USP11: variants seen among roughly 807,000 people sequenced by gnomAD.
USP11 encodes ubiquitin specific peptidase 11.
A neutral mutation model predicts 72.8 loss-of-function variants in USP11; 5 were observed. That is an observed-to-expected ratio of 0.07 (90% CI 0.04 to 0.14). The LOEUF (loss-of-function observed/expected upper bound fraction) is 0.14. USP11 is among the 10% of genes least tolerant of loss of function. The pLI, the probability that USP11 is intolerant of heterozygous loss-of-function variation, is 1.00. For missense variants in USP11, 480 were observed against 794.7 expected, an observed-to-expected ratio of 0.60 and a Z score of 4.76; for synonymous variants, 368 against 326.5, an observed-to-expected ratio of 1.13 and a Z score of -1.37.
chrX:47,241,165 C>T (rs1295945126), intron 7 of USP11, 112 bp from the exon 8 acceptor site: 3 of 822,649 alleles, frequency 3.6e-6, no homozygotes, highest in Admixed American at 7.2e-5. Context: ...CTCCTCCCTT[C>T]CCCTTCTCTC....
In USP11 at chrX:47,241,836, C is replaced by T. The variant is rs2055404888; in HGVS notation, c.1179+137C>T. On this transcript the variant is annotated intron_variant, in intron 9 of 20. Transcript: ENST00000377107. ...CTACCTGACCTCAACTCCAGCCTTA[C>T]TCTTAACCTTAGTTGCAATACCATA... 3.5e-6 allele frequency: 3 copies of T among 857,349 alleles called. No homozygotes were observed. In the Admixed American group the frequency reaches 1.1e-4, roughly 32 times the overall value. 70.7% of individuals were successfully genotyped at this position (857,349 alleles called of 1,213,427 possible).
At chrX:47,243,308 G>A (rs2055413750) in intron 12 of USP11, 88 bp from the exon 13 acceptor site, 1 of 908,787 alleles carries the variant, frequency 1.1e-6, no homozygotes. Flanking sequence ...CCTTCAGGCT[G>A]TGAGGATGAG....
At chrX:47,238,293 T>C (rs1180403229) in intron 1 of USP11, among the ~76,000 whole-genome samples, 1 of 107,262 alleles carries the variant, frequency 9.3e-6, no homozygotes, top group Non-Finnish European at 1.9e-5. Flanking sequence ...GTTCAAGTGA[T>C]TCTCATGCCT....
chrX:47,235,665 A>G (rs1380763434), intron 1 of USP11, among the ~76,000 whole-genome samples: 4 of 110,149 alleles, frequency 3.6e-5, no homozygotes, highest in Non-Finnish European at 7.6e-5. Flanking sequence ...TTCCTCAAAC[A>G]CATCTAACCT....
At chrX:47,233,757 C>A (rs2147347700) in intron 1 of USP11, 1 of 107,033 alleles carries the variant, frequency 9.3e-6, no homozygotes, top group Non-Finnish European at 1.9e-5. Flanking sequence ...AGGTTGGTGA[C>A]GTGAGCTGAG....
At chrX:47,237,603 AC>A (rs1166582366) in intron 1 of USP11, among the ~76,000 whole-genome samples, 3 of 111,074 alleles carry the variant, frequency 2.7e-5, no homozygotes, top group Middle Eastern at 9.3e-3. Context: ...ACAGAGCAAG[AC>A]TCTGTCTCAA....
At position 47,247,108 on chromosome X, in the gene USP11, C is replaced by G. The variant is rs145753048; in HGVS notation, c.2307C>G (p.Thr769=). The G allele has an allele frequency of 9.9e-6, 12 of 1,211,721 alleles. No homozygotes were observed. Among genetic ancestry groups the G allele is most frequent in the Non-Finnish European group, 1.0e-5 (9 of 895,475 alleles). Residue 769 remains threonine, a synonymous_variant, in exon 18 of 21, where the codon ACC becomes ACG. Transcript: ENST00000377107. ...CCTGCAAGCAGCACCAGCTGGCAACCAAGAAGCTGGACCTGTGGATGCTGC... is the reference window on the plus strand; with the variant it reads ...CCTGCAAGCAGCACCAGCTGGCAACGAAGAAGCTGGACCTGTGGATGCTGC... The part of the protein sequence containing the change: ...CPSCKQHQLA[T]KKLDLWMLPE...
rs1390362740 is a variant in USP11, at chrX:47,248,179, A to G, written c.*249A>G. On this transcript the variant is annotated 3_prime_UTR_variant, in exon 21 of 21. Transcript: ENST00000377107. The stretch of plus-strand genomic sequence containing the variant: ...GCAGTGACCCTCCCTTCTAGTCTTT[A>G]TTTATGGTCGTGCCCTTCCCTCTCC... 5.1e-6 allele frequency: 2 copies of G among 394,465 alleles called. No homozygotes were observed. The highest frequency in any genetic ancestry group is 8.5e-6 in the Non-Finnish European group (2 of 236,504). 32.5% of individuals were successfully genotyped at this position (394,465 alleles called of 1,213,427 possible). A position where few individuals can be genotyped will look rare whatever the true frequency, so the allele number is the denominator to read the frequency against.
chrX:47,238,187 CTTT>C (rs756979418), intron 1 of USP11, among the ~76,000 whole-genome samples: 1 of 84,354 alleles, frequency 1.2e-5, no homozygotes, highest in African/African-American at 4.4e-5. Context: ...ATATGCAGTT[CTTT>C]TTTTTTTTTT....
intron 1 of USP11, 189 bp downstream of exon 1, chrX:47,233,408 G>T: frequency 9.3e-7 from 1 of 1,079,493 alleles, no homozygotes; most frequent in Non-Finnish European, 1.2e-6. Context: ...TGGAAAAGGG[G>T]CGGGGCCTGT....
In USP11 at chrX:47,247,854, C is replaced by T. The variant is rs1322333856; in HGVS notation, c.2687C>T (p.Pro896Leu). The change falls in exon 21 of 21, where the codon CCG becomes CTG. Residue 896 changes from proline (P) to leucine (L), a missense_variant. This residue lies in a region of USP11 where 314 missense variants were observed against 556.0 expected (regional missense o/e 0.56). Transcript: ENST00000377107. ...GACGTGGCGCGACGCCTGCTGTCCC[C>T]GGCCGGCTCATCTGGCGCCCCAGCC... is the stretch of plus-strand genomic sequence containing the variant. ...RQDVARRLLS[P>L]AGSSGAPASP... The T allele has an allele frequency of 1.1e-5, 13 of 1,204,562 alleles. No individual in the cohort carries two copies. The highest frequency in any genetic ancestry group is 1.8e-5 in the South Asian group (1 of 56,314).
chrX:47,247,939 G>A lies in USP11; in HGVS notation c.*9G>A. 1 of 1,159,981 alleles carries A rather than the reference G, an allele frequency of 8.6e-7. No individual in the cohort carries two copies. Among genetic ancestry groups the A allele is most frequent in the Non-Finnish European group, 1.1e-6 (1 of 877,924 alleles). On this transcript the variant is annotated 3_prime_UTR_variant, in exon 21 of 21. Transcript: ENST00000377107. ...TCATGGATGTTAATTGAGAGCCCTG[G>A]GTCCTGCCACAGAAAAAAAAAAAAA...
chrX:47,240,981 C>T (rs1430002591), intron 7 of USP11, 105 bp downstream of exon 7: 2 of 840,004 alleles, frequency 2.4e-6, no homozygotes, highest in East Asian at 6.8e-5. Context: ...GGCAAGGGGT[C>T]AGGATGAAAG....
chrX:47,246,287 C>T (rs146798799), intron 17 of USP11, among the ~76,000 whole-genome samples: 17 of 112,171 alleles, frequency 1.5e-4, no homozygotes, highest in Admixed American at 3.8e-4. Context: ...GTTGAGTGTT[C>T]GGTTGATGCT....
intron 8 of USP11, 38 bp downstream of exon 8, chrX:47,241,488 C>T: frequency 1.7e-6 from 2 of 1,190,179 alleles, no homozygotes; most frequent in Non-Finnish European, 2.3e-6. Flanking sequence ...CCCCCTACGT[C>T]TCTTGGCTCT....
Position 47,233,085 on chromosome X carries a change from TGTGGCGGCGGCAGCGGCG to T in USP11, c.46_63del (p.Ala16_Val21del), listed in dbSNP as rs2055352740. On this transcript the variant is annotated inframe_deletion, in exon 1 of 21. Transcript: ENST00000377107. ...CAAATCCAGCTGCTGCTGCGGCGGC[TGTGGCGGCGGCAGCGGCG>T]GTGACTGAGGATAGAGAGCCACAGC... 1 of 1,203,035 alleles carries T rather than the reference TGTGGCGGCGGCAGCGGCG, an allele frequency of 8.3e-7. No individual in the cohort carries two copies. The highest frequency in any genetic ancestry group is 1.1e-6 in the Non-Finnish European group (1 of 890,856).
intron 8 of USP11, 34 bp downstream of exon 8, chrX:47,241,484 A>G: frequency 1.7e-6 from 2 of 1,190,634 alleles, no homozygotes; most frequent in Non-Finnish European, 2.3e-6. Flanking sequence ...CCGACCCCCT[A>G]CGTCTCTTGG....
chrX:47,245,655 C>T (rs774570551), intron 17 of USP11, among the ~76,000 whole-genome samples, 173 bp downstream of exon 17: 1 of 109,265 alleles, frequency 9.2e-6, no homozygotes, highest in African/African-American at 3.3e-5. Flanking sequence ...AGCTGTTCTC[C>T]TGCCTAAGTC....
At chrX:47,242,763 G>C in intron 12 of USP11, 43 bp downstream of exon 12, 1 of 1,040,515 alleles carries the variant, frequency 9.6e-7, no homozygotes, top group Non-Finnish European at 1.4e-6. Context: ...TCAGGAACTT[G>C]GTCCACTTCC....
Sources: allele counts gnomAD v4.1 joint callset (sites outside exome capture counted in the v4.1 genomes callset), GRCh38; gene constraint gnomAD v4.1.1; regional missense constraint gnomAD v4.1.1; transcripts MANE v1.5; gene names NCBI Gene and HGNC (gene_info 2026-07-23, HGNC 2026-07-21).